The following INPP4B variants were observed in gnomAD, a reference collection of about 807,000 sequenced individuals.
INPP4B encodes the protein inositol polyphosphate-4-phosphatase type II B.
INPP4B carries 55 observed loss-of-function variants against 122.5 expected under a neutral mutation model. That is an observed-to-expected ratio of 0.45 (90% CI 0.36 to 0.56). The LOEUF is 0.56. INPP4B is among the 20% of genes least tolerant of loss of function. The pLI is 0.00. For missense variants in INPP4B, 1,000 were observed against 1,097.7 expected (o/e 0.91, Z 1.26); for synonymous variants, 403 against 388.7 (o/e 1.04, Z -0.43).
intron 5 of INPP4B, chr4:142,426,348 A>G (rs1808050344): frequency 6.6e-6 from 1 of 152,036 alleles, no homozygotes; most frequent in Non-Finnish European, 1.5e-5. Flanking sequence ...TGTCAGCTTT[A>G]TTGAAATCAA....
intron 2 of INPP4B, among the ~76,000 whole-genome samples, chr4:142,609,891 G>T (rs760589581): frequency 6.6e-6 from 1 of 152,164 alleles, no homozygotes; most frequent in Admixed American, 6.5e-5. Flanking sequence ...AAGAAGTAGT[G>T]AATAGAATAG....
intron 1 of INPP4B, among the ~76,000 whole-genome samples, chr4:142,737,794 C>T (rs1009422026): frequency 1.4e-4 from 22 of 152,130 alleles, no homozygotes; most frequent in African/African-American, 3.1e-4. Flanking sequence ...AAAAAGTGAG[C>T]GAAGGATATG....
chr4:142,340,659 T>C (rs1778397261), intron 7 of INPP4B, among the ~76,000 whole-genome samples: 1 of 152,146 alleles, frequency 6.6e-6, no homozygotes, highest in Admixed American at 6.5e-5. Flanking sequence ...TCAATCCTCC[T>C]GCCTCAGCTT....
At chr4:142,808,233 A>C (rs1371967265) in intron 1 of INPP4B, among the ~76,000 whole-genome samples, 1 of 152,198 alleles carries the variant, frequency 6.6e-6, no homozygotes, top group Non-Finnish European at 1.5e-5. Flanking sequence ...ACAAATGTTG[A>C]AAATAATTAC....
chr4:142,167,684 C>T (rs1243341601), intron 16 of INPP4B, among the ~76,000 whole-genome samples: 2 of 151,694 alleles, frequency 1.3e-5, no homozygotes, highest in East Asian at 3.9e-4. Context: ...GCCTTTGCTA[C>T]ACTAGTATGT....
intron 7 of INPP4B, among the ~76,000 whole-genome samples, chr4:142,352,874 G>A (rs1782362680): frequency 6.6e-6 from 1 of 151,858 alleles, no homozygotes; most frequent in Non-Finnish European, 1.5e-5. Flanking sequence ...CACATGCTAC[G>A]TTATCCATGG....
At chr4:142,618,399 CAGAATGGAGA>C (rs939142806) in intron 2 of INPP4B, among the ~76,000 whole-genome samples, 1 of 151,964 alleles carries the variant, frequency 6.6e-6, no homozygotes, top group African/African-American at 2.4e-5. Flanking sequence ...ACCAATGGAA[CAGAATGGAGA>C]ACTCCTGAAA....
chr4:142,664,106 T>A (rs1755642413), intron 2 of INPP4B, among the ~76,000 whole-genome samples: 1 of 152,170 alleles, frequency 6.6e-6, no homozygotes, highest in African/African-American at 2.4e-5. Flanking sequence ...TTGAGGGATC[T>A]ACCTGGCCCA....
chr4:142,215,284 C>T (rs1361045590), intron 12 of INPP4B, among the ~76,000 whole-genome samples: 1 of 152,066 alleles, frequency 6.6e-6, no homozygotes, highest in Non-Finnish European at 1.5e-5. Flanking sequence ...TACTGCACAA[C>T]AAAGAAACAC....
intron 9 of INPP4B, among the ~76,000 whole-genome samples, chr4:142,282,797 C>A (rs1219086423): frequency 6.6e-6 from 1 of 152,042 alleles, no homozygotes; most frequent in Non-Finnish European, 1.5e-5. Flanking sequence ...TTACAGGCAG[C>A]ATATATTCAC....
Position 142,034,820 on chromosome 4 carries a change from G to A in INPP4B, c.2643-5906C>T, listed in dbSNP as rs114638068. Among the ~76,000 whole-genome samples the A allele has an allele frequency of 8.5e-3, 1,299 of 152,200 alleles. 14 individuals are homozygous for A. The highest frequency in any genetic ancestry group is 0.03 in the African/African-American group (1,240 of 41,512). On this transcript the variant is annotated intron_variant, in intron 25 of 25. Transcript: ENST00000262992. Reference sequence around the variant, plus strand: ...ACTAACTTCTCCTGTCCTTTCTAAAGTATGGCTCCAGTAGCATCAGTTTCC... The same window carrying A: ...ACTAACTTCTCCTGTCCTTTCTAAAATATGGCTCCAGTAGCATCAGTTTCC...
chr4:142,107,305 A>G (rs1229394713), intron 23 of INPP4B, among the ~76,000 whole-genome samples: 1 of 152,166 alleles, frequency 6.6e-6, no homozygotes, highest in Admixed American at 6.5e-5. Flanking sequence ...ATTGTTCATG[A>G]TTACAGAACA....
At chr4:142,121,774 T>C (rs1266280122) in intron 21 of INPP4B, among the ~76,000 whole-genome samples, 1 of 152,170 alleles carries the variant, frequency 6.6e-6, no homozygotes, top group Non-Finnish European at 1.5e-5. Context: ...TCAAGAATTA[T>C]GAGTCTATTA....
intron 10 of INPP4B, among the ~76,000 whole-genome samples, chr4:142,261,429 T>A (rs1308464020): frequency 3.9e-5 from 6 of 152,144 alleles, no homozygotes; most frequent in Non-Finnish European, 1.5e-5. Flanking sequence ...AAGAGGATAG[T>A]GAATTTTTAG....
rs561631349 is a variant in INPP4B, at chr4:142,405,770, C to T, written c.137-446G>A. ...GTTTGAATTCATACTTGGTCCTTAC[C>T]TATGTATTCACTAGAACTGGCCTCC... is the stretch of plus-strand genomic sequence containing the variant. On this transcript the variant is annotated intron_variant, in intron 5 of 25. Transcript: ENST00000262992. Among the ~76,000 whole-genome samples the T allele has an allele frequency of 3.3e-5, 5 of 152,164 alleles. No homozygotes were observed. In the South Asian group the frequency reaches 1.0e-3, roughly 32 times the overall value.
intron 2 of INPP4B, among the ~76,000 whole-genome samples, chr4:142,702,816 CA>C (rs1036788190): frequency 3.4e-5 from 5 of 147,426 alleles, no homozygotes; most frequent in Admixed American, 6.7e-5. Flanking sequence ...TTGATTTCTG[CA>C]AAAAAAAATT....
rs115448556 is a variant in INPP4B at position 142,606,516 on chromosome 4, C to T, written c.-191+119323G>A. ...TGCATATAAAAACACTCACATGTAC[C>T]CTATACATGTGTAAATTTTTATATA... On this transcript the variant is annotated intron_variant, in intron 2 of 25. Transcript: ENST00000262992. Among the ~76,000 whole-genome samples, 844 of 151,710 alleles carry T rather than the reference C, an allele frequency of 5.6e-3. 1 individual carries two copies. The highest frequency in any genetic ancestry group is 0.014 in the Middle Eastern group (4 of 292).
rs947830166 is a variant in INPP4B at position 142,028,224 on chromosome 4, A to AGAG, written c.*555_*557dup. ...AGGAGTCACACCTTGACTGGATGAT[A>AGAG]GAGATCATTGTGGAACATACCTGCA... On this transcript the variant is annotated 3_prime_UTR_variant, in exon 26 of 26. Coordinates refer to ENST00000262992, the MANE Select transcript of INPP4B (RefSeq NM_001101669.3). 1.3e-5 allele frequency: 3 copies of AGAG among 227,484 alleles called. No homozygotes were observed. Among genetic ancestry groups the AGAG allele is most frequent in the Non-Finnish European group, 1.7e-5 (2 of 114,500 alleles). The allele number at this position is 227,484 out of a possible 1,614,324, so 14.1% of individuals were successfully genotyped here.
intron 16 of INPP4B, among the ~76,000 whole-genome samples, chr4:142,169,638 G>C (rs1340586420): frequency 1.3e-4 from 20 of 151,622 alleles, no homozygotes. Flanking sequence ...GAGGTTGAAA[G>C]AACAGTAGGA....
Sources: gnomAD v4.1 joint callset for allele counts (sites outside exome capture counted in the v4.1 genomes callset) on GRCh38, gnomAD v4.1.1 for gene constraint, MANE v1.5 for transcripts, NCBI Gene and HGNC (gene_info 2026-07-23, HGNC 2026-07-21) for gene names.